Variants in GSE1 observed in about 807,000 individuals in gnomAD.
GSE1 encodes the protein Gse1 coiled-coil protein, also known as genetic suppressor element 1.
A neutral mutation model predicts 112.6 loss-of-function variants in GSE1; 32 were observed. The ratio of observed to expected loss-of-function variants is 0.28; its 90% CI spans 0.21 to 0.38. The LOEUF (loss-of-function observed/expected upper bound fraction) is 0.38. Ranked by LOEUF, GSE1 falls within the 10% of genes least tolerant of loss-of-function variation. The probability of loss-of-function intolerance (pLI) is 1.00; values close to 1 mark genes in which losing one functional copy is unlikely to be tolerated. For synonymous variants in GSE1, 1,115 were observed against 735.6 expected, an observed-to-expected ratio of 1.52 and a Z score of -8.35; for missense variants, 2,348 against 1,699.2, an observed-to-expected ratio of 1.38 and a Z score of -6.71.
At chr16:85,275,674 G>A (rs1274917899) in intron 1 of GSE1, among the ~76,000 whole-genome samples, 3 of 152,238 alleles carry the variant, frequency 2.0e-5, no homozygotes, top group South Asian at 2.1e-4. Flanking sequence ...CAGTCAGGGT[G>A]AGGGGACCCC....
At chr16:85,571,288 C>T (rs1265938633) in intron 1 of GSE1, among the ~76,000 whole-genome samples, 3 of 152,222 alleles carry the variant, frequency 2.0e-5, no homozygotes, top group African/African-American at 7.2e-5. Context: ...CCTGCACCGC[C>T]TAATGTGGTG....
intron 1 of GSE1, among the ~76,000 whole-genome samples, chr16:85,627,598 T>C (rs1346039519): frequency 6.6e-6 from 1 of 152,084 alleles, no homozygotes; most frequent in African/African-American, 2.4e-5. Flanking sequence ...CTGGTCCACC[T>C]AGACCCCTGG....
chr16:85,661,642 C>T lies in GSE1; in HGVS notation c.2137C>T (p.Arg713Trp), dbSNP rs200767967. Reference protein sequence around the residue: ...SGPLKPGSPYRPPVPRAPDPA... With the variant: ...SGPLKPGSPYWPPVPRAPDPA... ...ACCCCTGAAGCCTGGCTCGCCCTAC[C>T]GGCCCCCAGTGCCACGGGCCCCCGA... Residue 713 changes from arginine (R) to tryptophan (W), a missense_variant, in exon 9 of 16, where the codon CGG (arginine) becomes TGG (tryptophan). Physicochemically the swap from Arg to Trp is moderately radical, Grantham distance 101. Transcript: ENST00000253458. 668 of 1,611,320 alleles carry T rather than the reference C, an allele frequency of 4.1e-4. 2 individuals carry two copies. Among genetic ancestry groups the T allele is most frequent in the Non-Finnish European group, 5.8e-5 (68 of 1,179,494 alleles).
chr16:85,485,549 A>G (rs1482863418), intron 2 of GSE1, among the ~76,000 whole-genome samples: 5 of 152,240 alleles, frequency 3.3e-5, no homozygotes, highest in Non-Finnish European at 5.9e-5. Context: ...TTCATCCCGC[A>G]GGCCCGGCTG....
At chr16:85,669,885 C>T (rs1009528320) in intron 14 of GSE1, among the ~76,000 whole-genome samples, 1 of 152,214 alleles carries the variant, frequency 6.6e-6, no homozygotes, top group Admixed American at 6.5e-5. Flanking sequence ...CCTGGCTTCG[C>T]CCCTGTCAGG....
At chr16:85,562,267 G>A (rs951493978) in intron 1 of GSE1, among the ~76,000 whole-genome samples, 1 of 152,194 alleles carries the variant, frequency 6.6e-6, no homozygotes, top group Admixed American at 6.5e-5. Flanking sequence ...TGGGGAGGCC[G>A]CCACGGTTCC....
intron 3 of GSE1, among the ~76,000 whole-genome samples, chr16:85,651,075 C>CTCCCCCTCCCCCTCCGCCCCTT (rs2051308311): frequency 7.9e-6 from 1 of 127,344 alleles, no homozygotes; most frequent in African/African-American, 2.9e-5. Context: ...CTCCGCCCCT[C>CTCCCCCTCCCCCTCCGCCCCTT]CTCCCCCTCC....
chr16:85,360,871 A>G (rs540154866), intron 2 of GSE1, among the ~76,000 whole-genome samples: 26 of 151,886 alleles, frequency 1.7e-4, no homozygotes, highest in African/African-American at 6.3e-4. Context: ...ACACACCTGC[A>G]TAGATTTTTC....
intron 1 of GSE1, among the ~76,000 whole-genome samples, chr16:85,586,317 T>C (rs1318614593): frequency 6.6e-6 from 1 of 152,232 alleles, no homozygotes; most frequent in Non-Finnish European, 1.5e-5. Context: ...GTTTAGCCCA[T>C]GACATAGGTG....
intron 2 of GSE1, among the ~76,000 whole-genome samples, chr16:85,514,362 A>T (rs1428495610): frequency 5.2e-5 from 7 of 135,416 alleles, no homozygotes; most frequent in Non-Finnish European, 1.6e-5. Flanking sequence ...CCTTCGTGGG[A>T]CACCACCCCC....
At chr16:85,637,671 G>T (rs977147699) in intron 2 of GSE1, among the ~76,000 whole-genome samples, 2 of 152,194 alleles carry the variant, frequency 1.3e-5, no homozygotes, top group Non-Finnish European at 1.5e-5. Context: ...GTTGTAAGTG[G>T]CATGGGGAAT....
intron 2 of GSE1, among the ~76,000 whole-genome samples, chr16:85,378,956 A>G (rs535286574): frequency 2.6e-4 from 39 of 152,306 alleles, no homozygotes; most frequent in Middle Eastern, 3.4e-3. Flanking sequence ...GAATTAAAAT[A>G]TCCAGGTTCA....
At chr16:85,424,522 C>T (rs1379500803) in intron 2 of GSE1, among the ~76,000 whole-genome samples, 1 of 152,218 alleles carries the variant, frequency 6.6e-6, no homozygotes, top group Non-Finnish European at 1.5e-5. Flanking sequence ...CCTGCCTGGC[C>T]CTGGGCATGT....
chr16:85,629,122 T>G (rs576822977), intron 1 of GSE1, among the ~76,000 whole-genome samples: 97 of 152,348 alleles, frequency 6.4e-4, no homozygotes, highest in African/African-American at 2.2e-3. Context: ...CCGCCATGAT[T>G]AGAAGCCTCC....
chr16:85,553,496 C>T (rs1436851699), upstream of GSE1, among the ~76,000 whole-genome samples: 2 of 151,764 alleles, frequency 1.3e-5, no homozygotes, highest in East Asian at 3.9e-4. Context: ...CTCTGGCGCC[C>T]TCCCCTGCGC....
chr16:85,555,514 C>G (rs1026199058), upstream of GSE1: 7 of 984,922 alleles, frequency 7.1e-6, no homozygotes, highest in East Asian at 8.0e-4. Flanking sequence ...AAATCTCCCC[C>G]TCGGTACTTC....
intron 1 of GSE1, among the ~76,000 whole-genome samples, chr16:85,590,505 G>C (rs1000406647): frequency 1.3e-5 from 2 of 151,770 alleles, no homozygotes; most frequent in African/African-American, 4.8e-5. Flanking sequence ...GGGCCTGTGT[G>C]TGAATGAGTG....
intron 13 of GSE1, 26 bp from the exon 14 acceptor site, chr16:85,668,114 T>C (rs1448184582): frequency 6.5e-7 from 1 of 1,528,496 alleles, no homozygotes; most frequent in Admixed American, 2.0e-5. Context: ...CCCAACACAC[T>C]GATGCAAGCC....
intron 2 of GSE1, among the ~76,000 whole-genome samples, chr16:85,487,296 G>T (rs763890432): frequency 6.6e-6 from 1 of 152,122 alleles, no homozygotes; most frequent in Admixed American, 6.5e-5. Context: ...GTCTCCTCCC[G>T]TCACGTGGCG....
Sources: gnomAD v4.1 joint callset for allele counts (sites outside exome capture counted in the v4.1 genomes callset) on GRCh38, gnomAD v4.1.1 for gene constraint, MANE v1.5 for transcripts, NCBI Gene and HGNC (gene_info 2026-07-23, HGNC 2026-07-21) for gene names.